Variants in TRIM9 observed in about 807,000 individuals in gnomAD.
The protein encoded by TRIM9 is tripartite motif containing 9, also known as E3 ubiquitin-protein ligase TRIM9.
TRIM9 carries 26 observed loss-of-function variants against 78.3 expected under a neutral mutation model. The ratio of observed to expected loss-of-function variants is 0.33; its 90% CI spans 0.24 to 0.46. TRIM9 has a LOEUF of 0.46. Among genes scored for constraint, TRIM9 ranks in the 20% least tolerant of loss-of-function variants. TRIM9 has a pLI of 1.00. For missense variants in TRIM9, 787 were observed against 1,036.4 expected, an observed-to-expected ratio of 0.76 and a Z score of 3.30; for synonymous variants, 398 against 416.5, an observed-to-expected ratio of 0.96 and a Z score of 0.54.
At chr14:51,088,237 C>A (rs952115205) in intron 1 of TRIM9, among the ~76,000 whole-genome samples, 1 of 152,148 alleles carries the variant, frequency 6.6e-6, no homozygotes, top group African/African-American at 2.4e-5. Flanking sequence ...CTAATAACTA[C>A]CTGAACTAGT....
intron 7 of TRIM9, among the ~76,000 whole-genome samples, chr14:50,994,039 A>G (rs1469487731): frequency 1.3e-5 from 2 of 152,236 alleles, no homozygotes; most frequent in East Asian, 1.9e-4. Flanking sequence ...AGGTGATTAC[A>G]TTAAGGATCT....
intron 8 of TRIM9, 90 bp downstream of exon 8, chr14:50,985,866 C>G (rs548135595): frequency 1.7e-6 from 2 of 1,186,674 alleles, no homozygotes; most frequent in Non-Finnish European, 2.2e-6. Flanking sequence ...CCCCTCACCA[C>G]GCACATGAAT....
At chr14:51,005,768 A>G (rs917811147) in intron 5 of TRIM9, among the ~76,000 whole-genome samples, 1 of 152,234 alleles carries the variant, frequency 6.6e-6, no homozygotes, top group Non-Finnish European at 1.5e-5. Context: ...GAAAGAGGGT[A>G]AGATGATTTT....
intron 1 of TRIM9, among the ~76,000 whole-genome samples, chr14:51,040,412 C>CATCT (rs1259133610): frequency 6.6e-6 from 1 of 152,180 alleles, no homozygotes; most frequent in East Asian, 1.9e-4. Context: ...CAGCACCCGA[C>CATCT]ATCTAGTCCC....
At chr14:51,015,518 T>TC (rs2057089352) in intron 3 of TRIM9, among the ~76,000 whole-genome samples, 1 of 130,728 alleles carries the variant, frequency 7.6e-6, no homozygotes, top group Non-Finnish European at 1.6e-5. Context: ...TTTTTTTTTT[T>TC]TTTTTTTTTT....
chr14:51,045,491 G>A (rs1420228188), intron 1 of TRIM9, among the ~76,000 whole-genome samples: 1 of 152,240 alleles, frequency 6.6e-6, no homozygotes, highest in South Asian at 2.1e-4. Flanking sequence ...GTTTCAGTTG[G>A]AGTATTGTAG....
At position 50,986,143 on chromosome 14, in the gene TRIM9, G is replaced by T; in HGVS notation, c.1605C>A (p.Asp535Glu). ...SKTLVLQTSE[D>E]TDSEEQTLPF... ...GGAGGGTCTGTTCTTCTGAATCTGT[G>T]TCTAAATGTAAGATCAATGCAAACT... Residue 535 changes from aspartate to glutamate, a missense_variant and splice_region_variant, in exon 8 of 13, where the codon GAC becomes GAA. Physicochemically the swap from Asp to Glu is conservative, Grantham distance 45. Coordinates refer to ENST00000684578, the MANE Select transcript of TRIM9 (RefSeq NM_001387360.1). The T allele has an allele frequency of 6.6e-7, 1 of 1,513,008 alleles. No homozygotes were observed. The allele number at this position is 1,513,008 out of a possible 1,614,324, so 93.7% of individuals were successfully genotyped here. A position where few individuals can be genotyped will look rare whatever the true frequency, so the allele number is the denominator to read the frequency against.
At chr14:51,038,239 T>C (rs1005005631) in intron 1 of TRIM9, among the ~76,000 whole-genome samples, 1 of 152,174 alleles carries the variant, frequency 6.6e-6, no homozygotes, top group African/African-American at 2.4e-5. Flanking sequence ...AGAAGCCACA[T>C]TGCTGGTTTT....
rs117053911 is a variant in TRIM9, at chr14:51,058,208, G to T, written c.823-32848C>A. Among the ~76,000 whole-genome samples, 1,180 of 152,250 alleles carry T rather than the reference G, an allele frequency of 7.8e-3. 6 individuals carry two copies. Among genetic ancestry groups the T allele is most frequent in the Non-Finnish European group, 0.012 (792 of 68,016 alleles). On this transcript the variant is annotated intron_variant, in intron 1 of 12. Coordinates refer to ENST00000684578, the MANE Select transcript of TRIM9 (RefSeq NM_001387360.1). The stretch of plus-strand genomic sequence containing the variant: ...GTCCTGAGAGTGTCCCTGCATTACA[G>T]GATGGCACAATCATGGAACTCAGAT...
intron 3 of TRIM9, among the ~76,000 whole-genome samples, chr14:51,014,078 AG>A (rs2056883806): frequency 5.9e-5 from 9 of 152,288 alleles, no homozygotes; most frequent in Admixed American, 5.9e-4. Flanking sequence ...TATAACCCAG[AG>A]TCAGTCTGCT....
chr14:51,081,745 A>T (rs1411022049), intron 1 of TRIM9, among the ~76,000 whole-genome samples: 1 of 152,206 alleles, frequency 6.6e-6, no homozygotes, highest in African/African-American at 2.4e-5. Flanking sequence ...CACAGAACTC[A>T]GGAGAACACT....
chr14:51,078,878 A>G (rs967587882), intron 1 of TRIM9, among the ~76,000 whole-genome samples: 1 of 152,190 alleles, frequency 6.6e-6, no homozygotes, highest in African/African-American at 2.4e-5. Context: ...TTTTTGTTAA[A>G]TAAGTAGATT....
At chr14:51,002,568 A>C (rs2055220182) in intron 5 of TRIM9, among the ~76,000 whole-genome samples, 1 of 152,190 alleles carries the variant, frequency 6.6e-6, no homozygotes, top group East Asian at 1.9e-4. Context: ...TTAGATGAAC[A>C]AATGTTCATC....
intron 1 of TRIM9, among the ~76,000 whole-genome samples, chr14:51,061,040 T>C (rs936271022): frequency 6.6e-6 from 1 of 152,220 alleles, no homozygotes; most frequent in African/African-American, 2.4e-5. Flanking sequence ...AACAATGATG[T>C]TGAGTATGTG....
chr14:51,080,889 C>T (rs2063246463), intron 1 of TRIM9, among the ~76,000 whole-genome samples: 1 of 152,224 alleles, frequency 6.6e-6, no homozygotes, highest in African/African-American at 2.4e-5. Flanking sequence ...TGCTTTTGGA[C>T]TTTTCCATGT....
At chr14:51,022,424 A>G (rs1301837816) in intron 3 of TRIM9, among the ~76,000 whole-genome samples, 2 of 152,242 alleles carry the variant, frequency 1.3e-5, no homozygotes, top group Non-Finnish European at 2.9e-5. Context: ...TGGACTTCCC[A>G]GTCTTCAGAA....
intron 2 of TRIM9, among the ~76,000 whole-genome samples, chr14:51,023,625 G>A (rs1007636446): frequency 4.6e-5 from 7 of 152,070 alleles, no homozygotes; most frequent in African/African-American, 1.7e-4. Context: ...TTAAATGCTG[G>A]ATATAACCTT....
At chr14:51,064,951 G>T (rs2061624361) in intron 1 of TRIM9, among the ~76,000 whole-genome samples, 1 of 152,018 alleles carries the variant, frequency 6.6e-6, no homozygotes, top group Non-Finnish European at 1.5e-5. Context: ...GATTTTACTG[G>T]TGAACTCTGA....
chr14:51,080,234 A>G (rs1188043028), intron 1 of TRIM9, among the ~76,000 whole-genome samples: 1 of 152,172 alleles, frequency 6.6e-6, no homozygotes, highest in African/African-American at 2.4e-5. Flanking sequence ...GTTAAAAAAA[A>G]AAAGAATATA....
Sources: gnomAD v4.1 joint callset for allele counts (sites outside exome capture counted in the v4.1 genomes callset) on GRCh38, gnomAD v4.1.1 for gene constraint, MANE v1.5 for transcripts, NCBI Gene and HGNC (gene_info 2026-07-23, HGNC 2026-07-21) for gene names.